VPS8: variants seen among roughly 807,000 people sequenced by gnomAD.
VPS8 encodes the protein vacuolar protein sorting-associated protein 8 homolog.
In VPS8, 129 loss-of-function variants were observed where a neutral mutation model predicts 216.4. The observed-to-expected ratio is 0.60, with a 90% CI of 0.52 to 0.69. VPS8 has a LOEUF of 0.69. Ranked by LOEUF, VPS8 falls within the 30% of genes least tolerant of loss-of-function variation. The probability of loss-of-function intolerance (pLI) is 0.00; values close to 1 mark genes in which losing one functional copy is unlikely to be tolerated. For missense variants in VPS8, 1,531 were observed against 1,683.5 expected, an observed-to-expected ratio of 0.91 and a Z score of 1.59; for synonymous variants, 571 against 565.4, an observed-to-expected ratio of 1.01 and a Z score of -0.14.
intron 30 of VPS8, among the ~76,000 whole-genome samples, chr3:184,926,266 A>G (rs577480204): frequency 7.9e-5 from 12 of 151,778 alleles, no homozygotes; most frequent in African/African-American, 2.9e-4. Context: ...AGTCCCAGCT[A>G]CTCGGGAGGC....
chr3:184,911,357 T>A (rs1347913557), intron 25 of VPS8, among the ~76,000 whole-genome samples: 1 of 152,198 alleles, frequency 6.6e-6, no homozygotes, highest in Non-Finnish European at 1.5e-5. Context: ...GAGCTAGATA[T>A]ATTCTACCTG....
Position 184,893,180 on chromosome 3 carries a change from T to C in VPS8, c.1782-1523T>C, listed in dbSNP as rs138380469. 1.2e-3 allele frequency: 1,187 copies of C among 993,570 alleles called. 13 individuals carry two copies. In the African/African-American group the frequency reaches 0.017, roughly 15 times the overall value. The allele number at this position is 993,570 out of a possible 1,614,324, so 61.5% of individuals were successfully genotyped here. A position where few individuals can be genotyped will look rare whatever the true frequency, so the allele number is the denominator to read the frequency against. ...GCAAATGCTGTTAATTGCAGGGTGG[T>C]GTGGAGTTCTGGTGCAGTTGTAGCC... On this transcript the variant is annotated intron_variant, in intron 22 of 47. Transcript: ENST00000625842.
At chr3:184,979,203 A>T (rs1015859373) in intron 40 of VPS8, among the ~76,000 whole-genome samples, 1 of 151,818 alleles carries the variant, frequency 6.6e-6, no homozygotes, top group Non-Finnish European at 1.5e-5. Flanking sequence ...TTTGTTGAGT[A>T]TTGTTTTATA....
At chr3:184,908,262 T>C (rs1156674680) in intron 25 of VPS8, among the ~76,000 whole-genome samples, 1 of 152,272 alleles carries the variant, frequency 6.6e-6, no homozygotes, top group Non-Finnish European at 1.5e-5. Flanking sequence ...GATGGGGCAT[T>C]TGAGGGGCTA....
chr3:184,906,524 A>G (rs1423838811), intron 25 of VPS8, among the ~76,000 whole-genome samples: 7 of 152,222 alleles, frequency 4.6e-5, no homozygotes, highest in Admixed American at 3.9e-4. Context: ...AAAAAGGCAT[A>G]TACTTTTGTT....
chr3:184,835,854 C>T (rs539383034), intron 5 of VPS8, among the ~76,000 whole-genome samples: 5 of 151,910 alleles, frequency 3.3e-5, no homozygotes, highest in East Asian at 1.9e-4. Flanking sequence ...GGACTACAGG[C>T]GCCTGCCACC....
At chr3:184,848,732 C>T (rs918508683) in intron 8 of VPS8, among the ~76,000 whole-genome samples, 1 of 151,926 alleles carries the variant, frequency 6.6e-6, no homozygotes, top group Non-Finnish European at 1.5e-5. Flanking sequence ...CCATGCCCAG[C>T]TAATTTTTGT....
intron 37 of VPS8, among the ~76,000 whole-genome samples, chr3:184,963,888 C>T (rs370209633): frequency 2.0e-5 from 3 of 151,678 alleles, no homozygotes; most frequent in East Asian, 3.9e-4. Context: ...TGTTTTTTTC[C>T]TTTGTTCTGT....
chr3:185,021,210 C>T (rs1756609459), intron 45 of VPS8, among the ~76,000 whole-genome samples: 1 of 152,150 alleles, frequency 6.6e-6, no homozygotes, highest in Non-Finnish European at 1.5e-5. Flanking sequence ...GCCCTAGCTT[C>T]GTATATCATC....
In VPS8 at chr3:184,971,668, A is replaced by G. The variant is rs367872184; in HGVS notation, c.3336A>G (p.Ser1112=). The change falls in exon 40 of 48, where the codon TCA becomes TCG. Residue 1112 remains serine (S), a synonymous_variant. Coordinates refer to ENST00000625842, the MANE Select transcript of VPS8 (RefSeq NM_001009921.3). ...ATCTAGATACCAAAGAGGATCCCTC[A>G]TTGAAGGATGTTGAAGATACTATGG... ...HQGENTKEDP[S]LKDVEDTMVE... is the part of the protein sequence containing the mutation. 1 of 1,612,740 alleles carries G rather than the reference A, an allele frequency of 6.2e-7. No individual in the cohort carries two copies. The highest frequency in any genetic ancestry group is 8.5e-7 in the Non-Finnish European group (1 of 1,179,146).
intron 46 of VPS8, among the ~76,000 whole-genome samples, chr3:185,027,512 G>C (rs1359612662): frequency 1.3e-5 from 2 of 152,082 alleles, no homozygotes; most frequent in African/African-American, 4.8e-5. Flanking sequence ...AAAGTGCTGG[G>C]ATTACAGGCG....
intron 1 of VPS8, among the ~76,000 whole-genome samples, chr3:184,822,039 T>C (rs533749049): frequency 9.9e-5 from 15 of 151,558 alleles, no homozygotes; most frequent in African/African-American, 3.7e-4. Flanking sequence ...ATGTCCACAA[T>C]ATTCCATTTT....
At chr3:184,944,162 G>A (rs1743259688) in intron 36 of VPS8, among the ~76,000 whole-genome samples, 1 of 152,172 alleles carries the variant, frequency 6.6e-6, no homozygotes, top group Non-Finnish European at 1.5e-5. Context: ...AATTTGTGTG[G>A]ATATTTCTCT....
chr3:184,981,143 T>C (rs1025625403), intron 40 of VPS8, among the ~76,000 whole-genome samples: 1 of 152,220 alleles, frequency 6.6e-6, no homozygotes, highest in Non-Finnish European at 1.5e-5. Context: ...GGCCTATGGC[T>C]TTGTGCTCTG....
chr3:184,974,901 A>G (rs188343501), intron 40 of VPS8, among the ~76,000 whole-genome samples: 4 of 151,858 alleles, frequency 2.6e-5, no homozygotes, highest in East Asian at 1.9e-4. Flanking sequence ...TCTCTGTTCT[A>G]TTTCGTTGGT....
rs147275966 is a variant in VPS8, at chr3:185,052,593, G to A, written c.*568G>A. 5.4e-5 allele frequency: 8 copies of A among 148,584 alleles called. No homozygotes were observed. Among genetic ancestry groups the A allele is most frequent in the Admixed American group, 1.4e-4 (2 of 14,704 alleles). The allele number at this position is 148,584 out of a possible 1,614,324, so 9.2% of individuals were successfully genotyped here. A position where few individuals can be genotyped will look rare whatever the true frequency, so the allele number is the denominator to read the frequency against. Reference sequence around the variant, plus strand: ...TGCCCTTTCTAACAATAAATGCTCCGTGTTTAAGTTCTGCAGGTCTCCTGG... The same window carrying A: ...TGCCCTTTCTAACAATAAATGCTCCATGTTTAAGTTCTGCAGGTCTCCTGG... On this transcript the variant is annotated 3_prime_UTR_variant, in exon 48 of 48. Coordinates refer to ENST00000625842, the MANE Select transcript of VPS8 (RefSeq NM_001009921.3).
At chr3:184,865,058 A>G (rs1229424475) in intron 16 of VPS8, among the ~76,000 whole-genome samples, 2 of 152,198 alleles carry the variant, frequency 1.3e-5, no homozygotes, top group African/African-American at 4.8e-5. Flanking sequence ...GATGGGATTA[A>G]TGGCAGATTA....
chr3:184,992,984 T>C (rs1752109985), intron 42 of VPS8, among the ~76,000 whole-genome samples: 1 of 152,120 alleles, frequency 6.6e-6, no homozygotes. Flanking sequence ...TAATGGTGGC[T>C]GGAGTTTGGG....
chr3:185,048,123 C>T (rs898490110), intron 46 of VPS8, among the ~76,000 whole-genome samples: 5 of 152,114 alleles, frequency 3.3e-5, no homozygotes, highest in Non-Finnish European at 5.9e-5. Flanking sequence ...CTTTGCTGGC[C>T]GTATGAAGTG....
Sources: gnomAD v4.1 joint callset for allele counts (sites outside exome capture counted in the v4.1 genomes callset) on GRCh38, gnomAD v4.1.1 for gene constraint, MANE v1.5 for transcripts, NCBI Gene and HGNC (gene_info 2026-07-23, HGNC 2026-07-21) for gene names.